The following SLC16A9 variants were observed in gnomAD, a reference collection of about 807,000 sequenced individuals.
SLC16A9 encodes the protein monocarboxylate transporter 9.
Under a neutral mutation model 44.3 loss-of-function variants are expected in SLC16A9, and 26 were observed. The observed-to-expected ratio is 0.59, with a 90% CI of 0.43 to 0.81. The LOEUF (loss-of-function observed/expected upper bound fraction) is 0.81. Ranked by LOEUF, SLC16A9 falls within the 40% of genes least tolerant of loss-of-function variation. The probability of loss-of-function intolerance (pLI) is 0.00; values close to 1 mark genes in which losing one functional copy is unlikely to be tolerated. For synonymous variants in SLC16A9, 230 were observed against 225.1 expected (o/e 1.02, Z -0.19); for missense variants, 559 against 595.8 (o/e 0.94, Z 0.64).
At chr10:59,706,048 C>T (rs1379360747) in intron 1 of SLC16A9, among the ~76,000 whole-genome samples, 1 of 152,194 alleles carries the variant, frequency 6.6e-6, no homozygotes, top group Admixed American at 6.5e-5. Context: ...GGCCTCTTTT[C>T]CATCAAGGAA....
intron 4 of SLC16A9, among the ~76,000 whole-genome samples, chr10:59,655,153 G>A (rs1402580870): frequency 6.6e-6 from 1 of 152,160 alleles, no homozygotes; most frequent in Non-Finnish European, 1.5e-5. Flanking sequence ...AGCTGGGCAT[G>A]GTGACACACG....
At chr10:59,686,404 G>A (rs939184714) in intron 1 of SLC16A9, among the ~76,000 whole-genome samples, 1 of 152,198 alleles carries the variant, frequency 6.6e-6, no homozygotes, top group Non-Finnish European at 1.5e-5. Flanking sequence ...AAAAATTGAT[G>A]TAAGGAGAAT....
At chr10:59,707,346 G>A (rs1268422245) in intron 1 of SLC16A9, among the ~76,000 whole-genome samples, 113 of 130,560 alleles carry the variant, frequency 8.7e-4, no homozygotes, top group African/African-American at 3.2e-3. Context: ...GGGGAAGGGA[G>A]GGGAAGGGAA....
chr10:59,653,045 T>C, intron 5 of SLC16A9, 95 bp from the exon 6 acceptor site: 1 of 879,310 alleles, frequency 1.1e-6, no homozygotes, highest in Non-Finnish European at 1.7e-6. Flanking sequence ...ATAGTTATAA[T>C]TAGTATATAT....
intron 1 of SLC16A9, among the ~76,000 whole-genome samples, chr10:59,707,485 T>G (rs1840670943): frequency 6.7e-6 from 1 of 150,166 alleles, no homozygotes; most frequent in Non-Finnish European, 1.5e-5. Context: ...ATAGGAGCAA[T>G]AAGTTTAAGA....
rs759311404 is a variant in SLC16A9 at position 59,652,897 on chromosome 10, A to C, written c.1405T>G (p.Phe469Val). The change falls in exon 6 of 6, where the codon TTC becomes GTC. Residue 469 changes from phenylalanine (F) to valine (V), a missense_variant. Coordinates refer to ENST00000395348, the MANE Select transcript of SLC16A9 (RefSeq NM_194298.3). The stretch of plus-strand genomic sequence containing the variant: ...ATAAAACCTCCCAGCAGGACGCAGA[A>C]GCCACTAAAATAAAATGCAATATCA... The part of the protein sequence containing the change: ...TYDIAFYFSG[F>V]CVLLGGFILL... 6.2e-7 allele frequency: 1 copy of C among 1,614,032 alleles called. No individual in the cohort carries two copies. The highest frequency in any genetic ancestry group is 1.1e-5 in the South Asian group (1 of 91,058).
intron 1 of SLC16A9, among the ~76,000 whole-genome samples, chr10:59,685,388 C>T (rs1840109433): frequency 6.6e-6 from 1 of 152,236 alleles, no homozygotes; most frequent in South Asian, 2.1e-4. Flanking sequence ...ATCTCCTCCA[C>T]AGGTAACCAA....
At chr10:59,673,021 T>C in intron 2 of SLC16A9, 108 bp from the exon 3 acceptor site, 2 of 1,023,944 alleles carry the variant, frequency 2.0e-6, no homozygotes, top group East Asian at 5.2e-5. Context: ...CACTGAGTAT[T>C]TATGATATGC....
chr10:59,674,934 T>C (rs1201964514), intron 2 of SLC16A9, among the ~76,000 whole-genome samples: 1 of 152,198 alleles, frequency 6.6e-6, no homozygotes, highest in East Asian at 1.9e-4. Flanking sequence ...TACAGCATTG[T>C]TATCAACTAT....
chr10:59,688,764 G>A (rs1331181830), intron 1 of SLC16A9, among the ~76,000 whole-genome samples: 3 of 150,872 alleles, frequency 2.0e-5, no homozygotes, highest in Non-Finnish European at 3.0e-5. Flanking sequence ...AAATGCATAC[G>A]AGATTGTCCT....
chr10:59,667,637 G>T (rs1839650649), intron 3 of SLC16A9, among the ~76,000 whole-genome samples: 1 of 152,052 alleles, frequency 6.6e-6, no homozygotes, highest in Non-Finnish European at 1.5e-5. Flanking sequence ...AAGTTTCCAG[G>T]TGTTCTAAAT....
intron 2 of SLC16A9, among the ~76,000 whole-genome samples, chr10:59,678,554 TGA>T (rs1839914292): frequency 1.5e-5 from 1 of 68,862 alleles, no homozygotes; most frequent in African/African-American, 4.4e-5. Context: ...TTCTTTTTTT[TGA>T]GACGGAGTCT....
At chr10:59,681,597 T>C (rs1369352589) in intron 2 of SLC16A9, among the ~76,000 whole-genome samples, 1 of 77,166 alleles carries the variant, frequency 1.3e-5, no homozygotes, top group African/African-American at 4.5e-5. Flanking sequence ...TGTATATGTA[T>C]ATGTATATGT....
intron 4 of SLC16A9, among the ~76,000 whole-genome samples, chr10:59,660,963 C>T (rs541177965): frequency 7.2e-5 from 11 of 152,208 alleles, no homozygotes; most frequent in Admixed American, 3.3e-4. Context: ...CCCCTTCATG[C>T]TAAAAACTCT....
intron 2 of SLC16A9, among the ~76,000 whole-genome samples, chr10:59,680,354 G>A (rs1465010753): frequency 6.6e-6 from 1 of 152,246 alleles, no homozygotes; most frequent in East Asian, 1.9e-4. Flanking sequence ...GTTTGCCAAA[G>A]CCCAGGAGTA....
intron 3 of SLC16A9, among the ~76,000 whole-genome samples, chr10:59,666,298 CA>C (rs35476359): frequency 0.048 from 4,926 of 101,964 alleles, 110 homozygotes; most frequent in Non-Finnish European, 0.057. Flanking sequence ...GACTCTGTCT[CA>C]AAAAAAAAAA....
chr10:59,682,217 T>A (rs543728097), intron 2 of SLC16A9, among the ~76,000 whole-genome samples: 1 of 152,268 alleles, frequency 6.6e-6, no homozygotes, highest in East Asian at 1.9e-4. Flanking sequence ...CTTGTTGGAT[T>A]TGTGACTATG....
At chr10:59,670,225 A>G (rs1839714708) in intron 3 of SLC16A9, among the ~76,000 whole-genome samples, 1 of 152,224 alleles carries the variant, frequency 6.6e-6, no homozygotes, top group Non-Finnish European at 1.5e-5. Context: ...ATGCCTCTTT[A>G]TAAACATTAT....
chr10:59,652,888 G>A lies in SLC16A9; in HGVS notation c.1414C>T (p.Leu472=). The A allele has an allele frequency of 6.2e-7, 1 of 1,613,964 alleles. No individual in the cohort carries two copies. Among genetic ancestry groups the A allele is most frequent in the South Asian group, 1.1e-5 (1 of 91,054 alleles). Residue 472 remains leucine (L), a synonymous_variant, in exon 6 of 6, where the codon CTG becomes TTG. Coordinates refer to ENST00000395348, the MANE Select transcript of SLC16A9 (RefSeq NM_194298.3). The part of the protein sequence containing the change: ...IAFYFSGFCV[L]LGGFILLLAA... ...AGCAGCAGAATAAAACCTCCCAGCA[G>A]GACGCAGAAGCCACTAAAATAAAAT...
Sources: gnomAD v4.1 joint callset for allele counts (sites outside exome capture counted in the v4.1 genomes callset) on GRCh38, gnomAD v4.1.1 for gene constraint, MANE v1.5 for transcripts, NCBI Gene and HGNC (gene_info 2026-07-23, HGNC 2026-07-21) for gene names.